The following MRPL1 variants were observed in gnomAD, a reference collection of about 807,000 sequenced individuals.
MRPL1 encodes mitochondrial ribosomal protein L1.
In MRPL1, 28 loss-of-function variants were observed where a neutral mutation model predicts 38.0. That is an observed-to-expected ratio of 0.74 (90% CI 0.55 to 1.01). MRPL1 has a LOEUF of 1.01. Among genes scored for constraint, MRPL1 ranks in the 50% least tolerant of loss-of-function variants. The probability of loss-of-function intolerance (pLI) is 0.00; values close to 1 mark genes in which losing one functional copy is unlikely to be tolerated. For missense variants in MRPL1, 358 were observed against 389.8 expected (o/e 0.92, Z 0.69); for synonymous variants, 123 against 126.7 (o/e 0.97, Z 0.20).
chr4:77,912,784 T>G (rs945886839), intron 7 of MRPL1, among the ~76,000 whole-genome samples: 7 of 152,170 alleles, frequency 4.6e-5, no homozygotes, highest in African/African-American at 1.7e-4. Context: ...GAAGTCTACC[T>G]GATTTCAAGA....
chr4:77,879,599 TG>T (rs1277180719), intron 2 of MRPL1, among the ~76,000 whole-genome samples: 2 of 152,230 alleles, frequency 1.3e-5, no homozygotes, highest in African/African-American at 4.8e-5. Flanking sequence ...TCTGCATTTA[TG>T]TAAAGTAAGC....
intron 7 of MRPL1, among the ~76,000 whole-genome samples, chr4:77,926,910 A>C (rs536892771): frequency 2.0e-5 from 3 of 152,144 alleles, no homozygotes; most frequent in Admixed American, 2.0e-4. Flanking sequence ...CATCTGGCCT[A>C]TAACTTGTTT....
At chr4:77,904,922 A>G (rs1736119323) in intron 6 of MRPL1, among the ~76,000 whole-genome samples, 1 of 152,358 alleles carries the variant, frequency 6.6e-6, no homozygotes, top group East Asian at 1.9e-4. Flanking sequence ...GAAAATCTTC[A>G]TGGCCTTAGA....
At chr4:77,883,644 C>A in intron 3 of MRPL1, 144 bp downstream of exon 3, 1 of 773,476 alleles carries the variant, frequency 1.3e-6, no homozygotes, top group Non-Finnish European at 1.9e-6. Context: ...GTGGTATGAT[C>A]TCAGCTCACT....
intron 7 of MRPL1, among the ~76,000 whole-genome samples, chr4:77,918,790 A>G (rs760077140): frequency 6.6e-6 from 1 of 152,218 alleles, no homozygotes; most frequent in Non-Finnish European, 1.5e-5. Flanking sequence ...CCCAACTCCT[A>G]GAAGAGTGCC....
At chr4:77,863,979 T>C (rs1000895115) in intron 1 of MRPL1, among the ~76,000 whole-genome samples, 3 of 149,986 alleles carry the variant, frequency 2.0e-5, no homozygotes, top group African/African-American at 7.4e-5. Flanking sequence ...GTGATACATG[T>C]ATATTTAACA....
intron 6 of MRPL1, chr4:77,907,181 T>C: frequency 5.1e-6 from 5 of 981,868 alleles, no homozygotes; most frequent in Non-Finnish European, 4.8e-6. Context: ...ATAATTCACA[T>C]TTTTCAGTGC....
At chr4:77,868,108 G>C (rs1735197835) in intron 1 of MRPL1, among the ~76,000 whole-genome samples, 1 of 151,858 alleles carries the variant, frequency 6.6e-6, no homozygotes, top group Non-Finnish European at 1.5e-5. Context: ...TGTTGCCTAG[G>C]CTGGAGTGCA....
chr4:77,892,298 A>AT (rs1358513934), intron 5 of MRPL1, among the ~76,000 whole-genome samples: 4 of 151,350 alleles, frequency 2.6e-5, no homozygotes, highest in East Asian at 3.9e-4. Context: ...CGCCCAGCTA[A>AT]TTTTTTTTAT....
chr4:77,947,598 A>G (rs1261281954), intron 7 of MRPL1, among the ~76,000 whole-genome samples: 9 of 152,178 alleles, frequency 5.9e-5, no homozygotes, highest in Non-Finnish European at 5.9e-5. Flanking sequence ...GGAAGTGCAG[A>G]CTAACTGAGA....
At chr4:77,886,770 T>C (rs1389347055) in intron 4 of MRPL1, among the ~76,000 whole-genome samples, 1 of 150,144 alleles carries the variant, frequency 6.7e-6, no homozygotes, top group Non-Finnish European at 1.5e-5. Flanking sequence ...TGTGGCTCAC[T>C]GCACCTGGTT....
chr4:77,904,084 TAAAA>T (rs61029767), intron 6 of MRPL1, among the ~76,000 whole-genome samples: 1 of 148,050 alleles, frequency 6.8e-6, no homozygotes, highest in African/African-American at 2.5e-5. Flanking sequence ...AATCTCTACT[TAAAA>T]AAAAAAAAAT....
chr4:77,944,001 T>A (rs1163432212), intron 7 of MRPL1, among the ~76,000 whole-genome samples: 1 of 152,216 alleles, frequency 6.6e-6, no homozygotes, highest in Admixed American at 6.5e-5. Flanking sequence ...TCTGATTTCT[T>A]ATTTGGGCAG....
At chr4:77,948,026 A>G (rs1737311899) in intron 7 of MRPL1, among the ~76,000 whole-genome samples, 1 of 152,190 alleles carries the variant, frequency 6.6e-6, no homozygotes, top group South Asian at 2.1e-4. Flanking sequence ...TGAAACATTT[A>G]TTGTCATTTT....
intron 1 of MRPL1, among the ~76,000 whole-genome samples, chr4:77,865,770 G>A (rs778798366): frequency 9.9e-5 from 15 of 152,144 alleles, no homozygotes; most frequent in Non-Finnish European, 1.0e-4. Context: ...CCCCACTGCA[G>A]CTACCTTGTT....
chr4:77,881,347 A>G (rs905226519), intron 2 of MRPL1, among the ~76,000 whole-genome samples: 1 of 151,970 alleles, frequency 6.6e-6, no homozygotes, highest in Admixed American at 6.6e-5. Flanking sequence ...TTCTGATCTT[A>G]GTTAATGATT....
At chr4:77,896,164 T>A (rs1735906799) in intron 6 of MRPL1, among the ~76,000 whole-genome samples, 1 of 151,212 alleles carries the variant, frequency 6.6e-6, no homozygotes, top group Non-Finnish European at 1.5e-5. Context: ...TTTTTTTTTT[T>A]AGCCTTGAGG....
intron 7 of MRPL1, among the ~76,000 whole-genome samples, chr4:77,927,567 T>A (rs564518545): frequency 6.6e-6 from 1 of 152,102 alleles, no homozygotes; most frequent in South Asian, 2.1e-4. Flanking sequence ...AAAATATGGA[T>A]GTTACTTGTT....
At chr4:77,924,241 G>C (rs1185062747) in intron 7 of MRPL1, among the ~76,000 whole-genome samples, 8 of 152,180 alleles carry the variant, frequency 5.3e-5, no homozygotes, top group African/African-American at 1.2e-4. Context: ...AGTGTGTTTC[G>C]TGCCATTTTT....
Sources: allele counts gnomAD v4.1 joint callset (sites outside exome capture counted in the v4.1 genomes callset), GRCh38; gene constraint gnomAD v4.1.1; transcripts MANE v1.5; gene names NCBI Gene and HGNC (gene_info 2026-07-23, HGNC 2026-07-21).